The following GPC6 variants were observed in gnomAD, a reference collection of about 807,000 sequenced individuals.
The protein encoded by GPC6 is glypican 6.
GPC6 carries 14 observed loss-of-function variants against 55.2 expected under a neutral mutation model. The observed-to-expected ratio is 0.25, with a 90% confidence interval of 0.17 to 0.40. GPC6 has a LOEUF of 0.40. Ranked by LOEUF, GPC6 falls within the 10% of genes least tolerant of loss-of-function variation. The probability of loss-of-function intolerance (pLI) is 1.00; values close to 1 mark genes in which losing one functional copy is unlikely to be tolerated. For synonymous variants in GPC6, 278 were observed against 259.6 expected (o/e 1.07, Z -0.68); for missense variants, 641 against 708.5 (o/e 0.90, Z 1.08).
Position 94,103,368 on chromosome 13 carries a change from G to A in GPC6, c.877+75474G>A, listed in dbSNP as rs576936441. 4.6e-5 allele frequency among the ~76,000 whole-genome samples: 7 copies of A among 152,200 alleles called. No homozygotes were observed. The South Asian group carries it at 1.5e-3, about 32-fold the overall frequency. On this transcript the variant is annotated intron_variant, in intron 4 of 8. Coordinates refer to ENST00000377047, the MANE Select transcript of GPC6 (RefSeq NM_005708.5). ...AAATACATGTGCACGTGTCTTTATAGCACCATGATTTATAATCCTTTGGGT... is the reference window on the plus strand; with the variant it reads ...AAATACATGTGCACGTGTCTTTATAACACCATGATTTATAATCCTTTGGGT...
intron 4 of GPC6, among the ~76,000 whole-genome samples, chr13:94,149,293 G>A (rs1357652161): frequency 2.6e-5 from 4 of 152,132 alleles, no homozygotes; most frequent in Admixed American, 2.0e-4. Flanking sequence ...CGACTGCAAA[G>A]CAGGCATCTG....
At chr13:94,217,231 A>G (rs560396319) in intron 4 of GPC6, among the ~76,000 whole-genome samples, 1 of 152,298 alleles carries the variant, frequency 6.6e-6, no homozygotes, top group South Asian at 2.1e-4. Context: ...AATTCAAATT[A>G]GCCAACACTG....
At chr13:94,305,922 A>G (rs1427524883) in intron 5 of GPC6, 58 bp from the exon 6 acceptor site, 2 of 1,547,562 alleles carry the variant, frequency 1.3e-6, no homozygotes, top group South Asian at 1.1e-5. Context: ...TTTCTGCTTC[A>G]TGAATTTAGG....
At chr13:93,715,952 A>G (rs1488254622) in intron 2 of GPC6, among the ~76,000 whole-genome samples, 1 of 151,584 alleles carries the variant, frequency 6.6e-6, no homozygotes, top group Non-Finnish European at 1.5e-5. Flanking sequence ...TGCATTGAAT[A>G]AGGATGTTTC....
At chr13:94,053,166 T>C (rs1216387549) in intron 4 of GPC6, among the ~76,000 whole-genome samples, 1 of 152,190 alleles carries the variant, frequency 6.6e-6, no homozygotes, top group Admixed American at 6.5e-5. Flanking sequence ...AGAAGCTAAA[T>C]GGTTTTTGCC....
rs1049705976 is a variant in GPC6 at position 93,398,398 on chromosome 13, A to G, written c.161-146865A>G. ...TTTGAGAAGTGGTGTGCTTTGTTTCATATGCTACAAACTCCACTTGTCTTT... is the reference window on the plus strand; with the variant it reads ...TTTGAGAAGTGGTGTGCTTTGTTTCGTATGCTACAAACTCCACTTGTCTTT... On this transcript the variant is annotated intron_variant, in intron 1 of 8. Transcript: ENST00000377047. 3.9e-5 allele frequency among the ~76,000 whole-genome samples: 6 copies of G among 152,162 alleles called. No individual in the cohort carries two copies. The South Asian group carries it at 1.2e-3, about 32-fold the overall frequency.
At chr13:93,781,208 G>A (rs1026126406) in intron 2 of GPC6, among the ~76,000 whole-genome samples, 2 of 151,446 alleles carry the variant, frequency 1.3e-5, no homozygotes, top group African/African-American at 4.9e-5. Flanking sequence ...CCTGGGAGGC[G>A]GAGGTTGCAG....
chr13:93,647,074 C>A (rs981374459), intron 2 of GPC6, among the ~76,000 whole-genome samples: 1 of 152,070 alleles, frequency 6.6e-6, no homozygotes, highest in Non-Finnish European at 1.5e-5. Flanking sequence ...CTTTGAATTT[C>A]TTTGACTAGC....
chr13:94,196,357 C>G lies in GPC6; in HGVS notation c.878-89992C>G, dbSNP rs7321299. Among the ~76,000 whole-genome samples, 68 of 151,882 alleles carry G rather than the reference C, an allele frequency of 4.5e-4. No homozygotes were observed. The South Asian group carries it at 0.014, about 30-fold the overall frequency. On this transcript the variant is annotated intron_variant, in intron 4 of 8. Coordinates refer to ENST00000377047, the MANE Select transcript of GPC6 (RefSeq NM_005708.5). ...TCCTTTTGAAAACCACAAAGCCAAGCGCATGCTATATAAAGATGTTATATT... is the reference window on the plus strand; with the variant it reads ...TCCTTTTGAAAACCACAAAGCCAAGGGCATGCTATATAAAGATGTTATATT...
At chr13:93,843,598 T>G (rs1302759854) in intron 3 of GPC6, among the ~76,000 whole-genome samples, 2 of 152,200 alleles carry the variant, frequency 1.3e-5, no homozygotes, top group African/African-American at 2.4e-5. Context: ...TTATTTGGCA[T>G]GAGCTCTTTA....
chr13:93,461,146 A>G (rs956309523), intron 1 of GPC6, among the ~76,000 whole-genome samples: 2 of 152,142 alleles, frequency 1.3e-5, no homozygotes, highest in Non-Finnish European at 2.9e-5. Flanking sequence ...CGTAAAATGT[A>G]TAATACTAGT....
intron 2 of GPC6, among the ~76,000 whole-genome samples, chr13:93,743,184 T>C (rs1203343185): frequency 6.6e-6 from 1 of 152,100 alleles, no homozygotes; most frequent in Admixed American, 6.5e-5. Flanking sequence ...TGCTGGCAAA[T>C]ATAGAAAGAT....
intron 3 of GPC6, among the ~76,000 whole-genome samples, chr13:93,921,479 G>A (rs1430009262): frequency 6.6e-6 from 1 of 152,094 alleles, no homozygotes; most frequent in African/African-American, 2.4e-5. Flanking sequence ...AGGTGGAGGT[G>A]GCTCTCAGCT....
chr13:93,521,008 C>A (rs1005902041), intron 1 of GPC6, among the ~76,000 whole-genome samples: 2 of 151,794 alleles, frequency 1.3e-5, no homozygotes, highest in Non-Finnish European at 2.9e-5. Context: ...AATATAAGAA[C>A]TTTAGTAATC....
intron 3 of GPC6, among the ~76,000 whole-genome samples, chr13:93,896,562 A>G (rs1319650657): frequency 6.6e-6 from 1 of 152,094 alleles, no homozygotes; most frequent in Non-Finnish European, 1.5e-5. Flanking sequence ...TGTGTAGCAG[A>G]AAATGTAGTT....
At chr13:93,856,759 C>T (rs965147240) in intron 3 of GPC6, among the ~76,000 whole-genome samples, 1 of 151,572 alleles carries the variant, frequency 6.6e-6, no homozygotes, top group African/African-American at 2.4e-5. Flanking sequence ...GAAATAAGCA[C>T]TTTGGAGAAA....
chr13:94,120,384 A>C (rs1566431552), intron 4 of GPC6, among the ~76,000 whole-genome samples: 1 of 152,122 alleles, frequency 6.6e-6, no homozygotes, highest in East Asian at 1.9e-4. Flanking sequence ...GCTTAAGAGC[A>C]TGAGAGTATG....
chr13:93,413,813 T>A (rs887536826), intron 1 of GPC6, among the ~76,000 whole-genome samples: 3 of 152,146 alleles, frequency 2.0e-5, no homozygotes, highest in Non-Finnish European at 4.4e-5. Flanking sequence ...AAATAAGTGT[T>A]TAAAATGATA....
rs537367085 is a variant in GPC6, at chr13:93,470,011, C to G, written c.161-75252C>G. On this transcript the variant is annotated intron_variant, in intron 1 of 8. Coordinates refer to ENST00000377047, the MANE Select transcript of GPC6 (RefSeq NM_005708.5). ...TATCCTCCCACCAATTCTGTATAGT[C>G]TTGATTAGTTTTACAGGAAGACTTG... is the stretch of plus-strand genomic sequence containing the variant. 3.9e-5 allele frequency among the ~76,000 whole-genome samples: 6 copies of G among 152,154 alleles called. No homozygotes were observed. The East Asian group carries it at 1.2e-3, about 29-fold the overall frequency.
Sources: allele counts gnomAD v4.1 joint callset (sites outside exome capture counted in the v4.1 genomes callset), GRCh38; gene constraint gnomAD v4.1.1; transcripts MANE v1.5; gene names NCBI Gene and HGNC (gene_info 2026-07-23, HGNC 2026-07-21).